DDX17: variants seen among roughly 807,000 people sequenced by gnomAD.
DDX17 encodes the protein DEAD-box helicase 17, also known as probable ATP-dependent RNA helicase DDX17.
DDX17 carries 10 observed loss-of-function variants against 80.8 expected under a neutral mutation model. That is an observed-to-expected ratio of 0.12 (90% CI 0.08 to 0.21). DDX17 has a LOEUF of 0.21. Among genes scored for constraint, DDX17 ranks in the 10% least tolerant of loss-of-function variants. The pLI is 1.00. For missense variants in DDX17, 586 were observed against 957.4 expected, an observed-to-expected ratio of 0.61 and a Z score of 5.12; for synonymous variants, 339 against 336.2, an observed-to-expected ratio of 1.01 and a Z score of -0.09.
At position 38,486,300 on chromosome 22, in the gene DDX17, C is replaced by G; in HGVS notation, c.1825G>C (p.Asp609His). 2.5e-6 allele frequency: 4 copies of G among 1,614,208 alleles called. No homozygotes were observed. Among genetic ancestry groups the G allele is most frequent in the Non-Finnish European group, 3.4e-6 (4 of 1,180,048 alleles). The change falls in exon 13 of 13, where the codon GAT becomes CAT. Residue 609 changes from aspartate to histidine, a missense_variant. By Grantham distance (81) the Asp-to-His change is moderately conservative (BLOSUM62 -1). Transcript: ENST00000403230. ...CTGCCATTAGCATAACCAGCTCTAT[C>G]GGTTTCACTACGATCCCGATAGCTT...
chr22:38,495,887 C>A lies in DDX17; in HGVS notation c.789G>T (p.Val263=). Reference sequence around the variant, plus strand: ...TAGAACATTTGCCATAGTCATCGGCCACCTGCTGTACTTGCTGGGCAAGCT... The same window carrying A: ...TAGAACATTTGCCATAGTCATCGGCAACCTGCTGTACTTGCTGGGCAAGCT... Residue 263 remains valine (V), a synonymous_variant, in exon 6 of 13, where the codon GTG becomes GTT. Transcript: ENST00000403230. 1 of 1,610,268 alleles carries A rather than the reference C, an allele frequency of 6.2e-7. No individual in the cohort carries two copies.
intron 2 of DDX17, 126 bp downstream of exon 2, chr22:38,501,004 T>C: frequency 1.5e-6 from 2 of 1,313,608 alleles, no homozygotes; most frequent in Non-Finnish European, 2.0e-6. Context: ...CCAAAAAATT[T>C]TTTAAGAAAA....
At chr22:38,505,824 C>A in intron 1 of DDX17, 127 bp downstream of exon 1, 1 of 1,241,494 alleles carries the variant, frequency 8.1e-7, no homozygotes, top group South Asian at 1.5e-5. Context: ...GCTGTCTCGC[C>A]TCGAGTCGCC....
Position 38,489,467 on chromosome 22 carries a change from G to A in DDX17, c.1448-1352C>T, listed in dbSNP as rs918683618. ...GCCAAGCGCCGGAGAACCTGGGTTC[G>A]GGTAAAAATTTCAGGTCCTCCAACG... On this transcript the variant is annotated intron_variant, in intron 11 of 12. Transcript: ENST00000403230. This position sits in a 1 kb window ranked among gnomAD's most constrained non-coding sequence, Gnocchi z 4.6. 66 of 985,498 alleles carry A rather than the reference G, an allele frequency of 6.7e-5. No individual in the cohort carries two copies. The highest frequency in any genetic ancestry group is 1.2e-4 in the Admixed American group (2 of 16,236). 61.0% of individuals were successfully genotyped at this position (985,498 alleles called of 1,614,324 possible).
rs181128417 is a variant in DDX17 at position 38,504,851 on chromosome 22, T to C, written c.287+1100A>G. ...TCAGAGGAAACAGGCTCACAAAAGG[T>C]AGGATCTTGACCAAGGTCACACACA... is the stretch of plus-strand genomic sequence containing the variant. On this transcript the variant is annotated intron_variant, in intron 1 of 12. Coordinates refer to ENST00000403230, the MANE Select transcript of DDX17 (RefSeq NM_006386.5). Among the ~76,000 whole-genome samples, 187 of 151,556 alleles carry C rather than the reference T, an allele frequency of 1.2e-3. 1 individual carries two copies. The highest frequency in any genetic ancestry group is 4.3e-3 in the African/African-American group (176 of 41,234).
rs774684548 is a variant in DDX17 at position 38,498,486 on chromosome 22, C to A, written c.626G>T (p.Arg209Leu). ...AGTCTGAGCAATGCCCACCATATCC[C>A]GGCCACTAAGAGCCAACGGAAATCC... The change falls in exon 4 of 13, where the codon CGG becomes CTG. Residue 209 changes from arginine to leucine, a missense_variant. This residue lies in a region of DDX17 where 141 missense variants were observed against 379.3 expected (regional missense o/e 0.37). Transcript: ENST00000403230. The A allele has an allele frequency of 1.2e-6, 2 of 1,614,132 alleles. No homozygotes were observed. The highest frequency in any genetic ancestry group is 1.7e-6 in the Non-Finnish European group (2 of 1,180,024).
intron 3 of DDX17, 61 bp downstream of exon 3, chr22:38,499,339 A>C: frequency 1.5e-6 from 2 of 1,301,650 alleles, no homozygotes; most frequent in Non-Finnish European, 1.1e-6. Context: ...TTAACCTACT[A>C]CCCTTGTCTC....
In DDX17 at chr22:38,486,247, A is replaced by G. The variant is rs1298620706; in HGVS notation, c.1878T>C (p.Phe626=). The stretch of plus-strand genomic sequence containing the variant: ...AGGTGTATTGGCCTGCTTGTGCTCC[A>G]AAGGCAGAATTTGGACTTCCATAGC... The change falls in exon 13 of 13, where the codon TTT becomes TTC. Residue 626 remains phenylalanine (F), a synonymous_variant. Coordinates refer to ENST00000403230, the MANE Select transcript of DDX17 (RefSeq NM_006386.5). The G allele has an allele frequency of 3.7e-6, 6 of 1,614,212 alleles. No homozygotes were observed. Among genetic ancestry groups the G allele is most frequent in the Non-Finnish European group, 5.1e-6 (6 of 1,180,026 alleles).
chr22:38,489,116 T>C lies in DDX17; in HGVS notation c.1448-1001A>G, dbSNP rs1192244985. The C allele has an allele frequency of 2.0e-6, 2 of 984,264 alleles. No individual in the cohort carries two copies. The highest frequency in any genetic ancestry group is 1.2e-6 in the Non-Finnish European group (1 of 829,032). 61.0% of individuals were successfully genotyped at this position (984,264 alleles called of 1,614,324 possible). ...AAGAATATAACAAAGAATCCTACTG[T>C]TTTGTGGAAAAAAATCTGCATTTTA... On this transcript the variant is annotated intron_variant, in intron 11 of 12. Coordinates refer to ENST00000403230, the MANE Select transcript of DDX17 (RefSeq NM_006386.5). This position sits in a 1 kb window ranked among gnomAD's most constrained non-coding sequence, Gnocchi z 4.6.
At position 38,494,027 on chromosome 22, in the gene DDX17, C is replaced by T; in HGVS notation, c.1319G>A (p.Arg440Lys). ...GCCTTGGTGCTATACTCACCCATCT[C>T]TGCGCATCCTTCGAGTCAGATCATC... Residue 440 changes from arginine (R) to lysine (K), a missense_variant, in exon 9 of 13, where the codon AGA becomes AAA. This residue lies in a region of DDX17 where 141 missense variants were observed against 379.3 expected (regional missense o/e 0.37). Coordinates refer to ENST00000403230, the MANE Select transcript of DDX17 (RefSeq NM_006386.5). 1.2e-6 allele frequency: 2 copies of T among 1,612,734 alleles called. No homozygotes were observed. Among genetic ancestry groups the T allele is most frequent in the Non-Finnish European group, 1.7e-6 (2 of 1,178,994 alleles).
chr22:38,502,398 AG>A (rs1244409140), intron 1 of DDX17, among the ~76,000 whole-genome samples: 1 of 130,876 alleles, frequency 7.6e-6, no homozygotes, highest in Non-Finnish European at 1.6e-5. Context: ...TGGTAGACAG[AG>A]GGAGGGTCCG....
chr22:38,488,874 A>C, intron 11 of DDX17: 1 of 985,426 alleles, frequency 1.0e-6, no homozygotes, highest in Admixed American at 6.1e-5. Context: ...ATTTCAACTC[A>C]GGACTTGTTT....
Position 38,495,872 on chromosome 22 carries a change from G to A in DDX17, c.804C>T (p.Gly268=). The A allele has an allele frequency of 6.2e-7, 1 of 1,611,658 alleles. No homozygotes were observed. Among genetic ancestry groups the A allele is most frequent in the African/African-American group, 1.3e-5 (1 of 74,644 alleles). ...AAGTACTCTTCAATCTAGAACATTT[G>A]CCATAGTCATCGGCCACCTGCTGTA... is the stretch of plus-strand genomic sequence containing the variant. Residue 268 remains glycine (G), a synonymous_variant, in exon 6 of 13, where the codon GGC becomes GGT. Coordinates refer to ENST00000403230, the MANE Select transcript of DDX17 (RefSeq NM_006386.5).
In DDX17 at chr22:38,490,287, TG is replaced by T. The variant is rs1364848360; in HGVS notation, c.1447+1768del. 10 of 1,267,894 alleles carry T rather than the reference TG, an allele frequency of 7.9e-6. No homozygotes were observed. The African/African-American group carries it at 1.5e-4, about 20-fold the overall frequency. The allele number at this position is 1,267,894 out of a possible 1,614,324, so 78.5% of individuals were successfully genotyped here. On this transcript the variant is annotated intron_variant, in intron 11 of 12. Transcript: ENST00000403230. The stretch of plus-strand genomic sequence containing the variant: ...CCAGCTGACTGGGATAAGAACCTTT[TG>T]TCTGAAAGGCCCTATGACATGGCCT...
chr22:38,500,712 G>A (rs889610223), intron 2 of DDX17, among the ~76,000 whole-genome samples: 2 of 150,128 alleles, frequency 1.3e-5, no homozygotes, highest in Non-Finnish European at 3.0e-5. Flanking sequence ...AGCTACCTGG[G>A]AGGCTGAGGC....
At chr22:38,490,443 AAAAAC>A (rs1569137969) in intron 11 of DDX17, 5 of 1,289,336 alleles carry the variant, frequency 3.9e-6, no homozygotes, top group South Asian at 1.2e-5. Flanking sequence ...GCTTCTGTTA[AAAAAC>A]AAAACAAAAT....
chr22:38,500,999 A>G, intron 2 of DDX17, 131 bp downstream of exon 2: 1 of 1,291,602 alleles, frequency 7.7e-7, no homozygotes, highest in Non-Finnish European at 1.0e-6. Context: ...ATTAACCAAA[A>G]AATTTTTTAA....
At chr22:38,494,843 T>C (rs767762476) in intron 7 of DDX17, 41 bp from the exon 8 acceptor site, 3 of 1,613,798 alleles carry the variant, frequency 1.9e-6, no homozygotes, top group African/African-American at 1.3e-5. Context: ...CTAAGGAACT[T>C]GGACAAATGG....
intron 5 of DDX17, among the ~76,000 whole-genome samples, chr22:38,497,495 T>C (rs534199138): frequency 2.8e-4 from 42 of 147,830 alleles, no homozygotes; most frequent in Non-Finnish European, 1.9e-4. Flanking sequence ...GTGCACGCCT[T>C]TAATCCCAGC....
Sources: gnomAD v4.1 joint callset for allele counts (sites outside exome capture counted in the v4.1 genomes callset) on GRCh38, gnomAD v4.1.1 for gene constraint, gnomAD v4.1.1 regional missense constraint, Gnocchi (gnomAD v3.1) non-coding constraint, MANE v1.5 for transcripts, NCBI Gene and HGNC (gene_info 2026-07-23, HGNC 2026-07-21) for gene names.